Variants in SLC12A1 observed in about 807,000 individuals in gnomAD.
SLC12A1 encodes the protein Na-K-2Cl cotransporter.
SLC12A1 carries 89 observed loss-of-function variants against 130.4 expected under a neutral mutation model. The ratio of observed to expected loss-of-function variants is 0.68; its 90% CI spans 0.58 to 0.81. SLC12A1 has a LOEUF of 0.81. Among genes scored for constraint, SLC12A1 ranks in the 40% least tolerant of loss-of-function variants. SLC12A1 has a pLI of 0.00. For synonymous variants in SLC12A1, 499 were observed against 460.0 expected, an observed-to-expected ratio of 1.08 and a Z score of -1.09; for missense variants, 1,310 against 1,336.4, an observed-to-expected ratio of 0.98 and a Z score of 0.31.
At chr15:48,240,980 C>T (rs1465801548) in intron 9 of SLC12A1, among the ~76,000 whole-genome samples, 1 of 151,926 alleles carries the variant, frequency 6.6e-6, no homozygotes, top group Non-Finnish European at 1.5e-5. Context: ...TAAATATCTC[C>T]CATTGCAGAT....
At chr15:48,284,831 A>G (rs2141110675) in intron 20 of SLC12A1, among the ~76,000 whole-genome samples, 1 of 152,176 alleles carries the variant, frequency 6.6e-6, no homozygotes, top group East Asian at 1.9e-4. Flanking sequence ...GAGTTTCACC[A>G]TGTTGCCAAG....
rs527254171 is a variant in SLC12A1, at chr15:48,226,147, C to A, written c.629-329C>A. 3.0e-5 allele frequency: 7 copies of A among 233,816 alleles called. No homozygotes were observed. The Admixed American group carries it at 3.6e-4, about 12-fold the overall frequency. The allele number at this position is 233,816 out of a possible 1,614,324, so 14.5% of individuals were successfully genotyped here. On this transcript the variant is annotated intron_variant, in intron 4 of 26. Coordinates refer to ENST00000380993, the MANE Select transcript of SLC12A1 (RefSeq NM_000338.3). ...CCCAACTTTCTCATTCCAGTTCCTT[C>A]AAGCAAGAAAGAAGGTCAAATGTCA...
chr15:48,210,795 A>T (rs1597394332), intron 2 of SLC12A1, among the ~76,000 whole-genome samples: 1 of 151,978 alleles, frequency 6.6e-6, no homozygotes, highest in East Asian at 1.9e-4. Flanking sequence ...CCTGAGAGGC[A>T]GAGGTTGCGG....
chr15:48,249,246 A>C lies in SLC12A1; in HGVS notation c.1685-329A>C, dbSNP rs557868044. Among the ~76,000 whole-genome samples the C allele has an allele frequency of 1.5e-4, 23 of 149,784 alleles. No individual in the cohort carries two copies. In the East Asian group the frequency reaches 4.6e-3, roughly 30 times the overall value. ...TACTTATTGCATACATAACAGTTATAGAACACAGGATTAGATGCCTCCAGA... is the reference window on the plus strand; with the variant it reads ...TACTTATTGCATACATAACAGTTATCGAACACAGGATTAGATGCCTCCAGA... On this transcript the variant is annotated intron_variant, in intron 13 of 26. Transcript: ENST00000380993.
At chr15:48,234,349 T>C (rs1300164458) in intron 8 of SLC12A1, among the ~76,000 whole-genome samples, 1 of 152,224 alleles carries the variant, frequency 6.6e-6, no homozygotes, top group Non-Finnish European at 1.5e-5. Context: ...AGCTATGTCA[T>C]AGAGATCTAA....
chr15:48,287,341 T>C (rs1338072635), intron 21 of SLC12A1, among the ~76,000 whole-genome samples: 1 of 150,950 alleles, frequency 6.6e-6, no homozygotes, highest in African/African-American at 2.5e-5. Context: ...TAAAGATGTT[T>C]TGTATTTCCA....
chr15:48,300,432 T>C (rs1346850628), intron 25 of SLC12A1, among the ~76,000 whole-genome samples: 1 of 151,844 alleles, frequency 6.6e-6, no homozygotes, highest in Non-Finnish European at 1.5e-5. Flanking sequence ...TTTTGGACAG[T>C]GAAGGAAGAT....
chr15:48,242,260 A>G (rs917029918), intron 10 of SLC12A1, among the ~76,000 whole-genome samples: 10 of 152,180 alleles, frequency 6.6e-5, no homozygotes, highest in Admixed American at 6.5e-5. Flanking sequence ...TACTTTTTCC[A>G]TAGTAGGAAA....
At chr15:48,241,043 A>G (rs1480799371) in intron 9 of SLC12A1, among the ~76,000 whole-genome samples, 2 of 152,188 alleles carry the variant, frequency 1.3e-5, no homozygotes, top group Non-Finnish European at 2.9e-5. Flanking sequence ...AAATTTAGTA[A>G]GTAGATCATC....
Position 48,277,438 on chromosome 15 carries a change from A to C in SLC12A1, c.2485+2785A>C, listed in dbSNP as rs188006327. Among the ~76,000 whole-genome samples, 8 of 152,356 alleles carry C rather than the reference A, an allele frequency of 5.3e-5. No homozygotes were observed. In the East Asian group the frequency reaches 1.2e-3, roughly 22 times the overall value. ...GGTAAATTGAAGAAGATGATGCACA[A>C]TAGTCTCAATTCTTTCTATTAAGCT... is the stretch of plus-strand genomic sequence containing the variant. On this transcript the variant is annotated intron_variant, in intron 20 of 26. Transcript: ENST00000380993.
intron 20 of SLC12A1, among the ~76,000 whole-genome samples, chr15:48,280,863 C>G (rs556048330): frequency 2.0e-5 from 3 of 152,208 alleles, no homozygotes; most frequent in African/African-American, 7.2e-5. Flanking sequence ...CACACACACA[C>G]TTCTCACACC....
At chr15:48,274,523 G>A (rs367567161) in intron 19 of SLC12A1, 48 bp from the exon 20 acceptor site, 1 of 1,218,620 alleles carries the variant, frequency 8.2e-7, no homozygotes, top group African/African-American at 1.5e-5. Flanking sequence ...AAAGCTTGAG[G>A]ATTAAAAGAG....
At chr15:48,278,273 T>C (rs1175363274) in intron 20 of SLC12A1, among the ~76,000 whole-genome samples, 1 of 152,238 alleles carries the variant, frequency 6.6e-6, no homozygotes, top group Non-Finnish European at 1.5e-5. Context: ...TGAGCACTTA[T>C]TATGTGCCAT....
intron 16 of SLC12A1, 148 bp downstream of exon 16, chr15:48,256,058 A>G: frequency 1.5e-6 from 1 of 651,238 alleles, no homozygotes; most frequent in Non-Finnish European, 2.8e-6. Context: ...TTTTCATGAC[A>G]GCACCTCCTG....
chr15:48,223,855 G>T (rs775527650), intron 4 of SLC12A1: 38 of 152,224 alleles, frequency 2.5e-4, no homozygotes, highest in South Asian at 8.3e-4. Flanking sequence ...GAGTCTACAG[G>T]GTCTAAAGCA....
chr15:48,234,645 C>T (rs867116772), intron 8 of SLC12A1, among the ~76,000 whole-genome samples: 6 of 151,480 alleles, frequency 4.0e-5, no homozygotes, highest in Non-Finnish European at 5.9e-5. Context: ...TTGCGGGGGC[C>T]GAGGCAGGAG....
rs149712671 is a variant in SLC12A1 at position 48,251,730 on chromosome 15, T to C, written c.1902T>C (p.Ile634=). ...GGGCAGCTGTCATCACCTATGTCAT[T>C]GAATTCTTCCTTTACGTCTATGTGA... ...NWWAAVITYV[I]EFFLYVYVTC... The change falls in exon 15 of 27, where the codon ATT becomes ATC. Residue 634 remains isoleucine (I), a synonymous_variant. Coordinates refer to ENST00000380993, the MANE Select transcript of SLC12A1 (RefSeq NM_000338.3). 3.1e-6 allele frequency: 5 copies of C among 1,613,834 alleles called. No individual in the cohort carries two copies. The highest frequency in any genetic ancestry group is 1.3e-5 in the African/African-American group (1 of 74,936).
intron 2 of SLC12A1, among the ~76,000 whole-genome samples, chr15:48,220,131 G>GTACA (rs1555464604): frequency 9.5e-6 from 1 of 105,738 alleles, no homozygotes; most frequent in African/African-American, 3.3e-5. Flanking sequence ...AAAAAAAAAG[G>GTACA]TAGATAGATA....
chr15:48,240,120 T>C (rs2041499086), intron 9 of SLC12A1, among the ~76,000 whole-genome samples: 1 of 143,752 alleles, frequency 7.0e-6, no homozygotes, highest in Non-Finnish European at 1.5e-5. Flanking sequence ...TCCATATATA[T>C]ATATATAATA....
Sources: allele counts gnomAD v4.1 joint callset (sites outside exome capture counted in the v4.1 genomes callset), GRCh38; gene constraint gnomAD v4.1.1; transcripts MANE v1.5; gene names NCBI Gene and HGNC (gene_info 2026-07-23, HGNC 2026-07-21).